LNPK: variants seen among roughly 807,000 people sequenced by gnomAD.
The protein encoded by LNPK is endoplasmic reticulum junction formation protein lunapark.
A neutral mutation model predicts 55.2 loss-of-function variants in LNPK; 29 were observed. That is an observed-to-expected ratio of 0.53 (90% confidence interval 0.39 to 0.72). LNPK has a LOEUF of 0.72. Ranked by LOEUF, LNPK falls within the 30% of genes least tolerant of loss-of-function variation. The probability of loss-of-function intolerance (pLI) is 0.00; values close to 1 mark genes in which losing one functional copy is unlikely to be tolerated. For missense variants in LNPK, 467 were observed against 494.8 expected (o/e 0.94, Z 0.53); for synonymous variants, 162 against 168.2 (o/e 0.96, Z 0.29).
chr2:175,959,966 G>A (rs1685922090), intron 8 of LNPK, among the ~76,000 whole-genome samples: 1 of 151,846 alleles, frequency 6.6e-6, no homozygotes, highest in South Asian at 2.1e-4. Context: ...AGACAAAGAA[G>A]GCCATTACAT....
chr2:175,943,893 C>T (rs1410311956), intron 9 of LNPK, among the ~76,000 whole-genome samples: 2 of 152,058 alleles, frequency 1.3e-5, no homozygotes, highest in African/African-American at 4.8e-5. Context: ...CCACTCCTAG[C>T]ACTTCTATTA....
At chr2:175,986,206 A>G (rs998491342) in intron 4 of LNPK, among the ~76,000 whole-genome samples, 2 of 152,172 alleles carry the variant, frequency 1.3e-5, no homozygotes, top group African/African-American at 4.8e-5. Context: ...TGTATAACTG[A>G]AAAAAGAGAA....
At chr2:175,930,273 TAA>T in intron 12 of LNPK, 74 bp from the exon 13 acceptor site, 1 of 751,714 alleles carries the variant, frequency 1.3e-6, no homozygotes, top group Non-Finnish European at 2.1e-6. Flanking sequence ...GCAAAAAAGA[TAA>T]ACACACACAC....
At chr2:175,994,514 T>G (rs1687843665) in intron 2 of LNPK, among the ~76,000 whole-genome samples, 1 of 152,158 alleles carries the variant, frequency 6.6e-6, no homozygotes, top group Non-Finnish European at 1.5e-5. Context: ...GAAAAGAGCA[T>G]TTATATAATT....
intron 9 of LNPK, chr2:175,940,957 C>A (rs761064628): frequency 1.3e-5 from 6 of 454,176 alleles, no homozygotes; most frequent in African/African-American, 1.2e-4. Context: ...AGAAACCATA[C>A]AAAATGACAA....
intron 6 of LNPK, among the ~76,000 whole-genome samples, chr2:175,970,398 G>A (rs1213540990): frequency 6.6e-6 from 1 of 151,838 alleles, no homozygotes; most frequent in East Asian, 1.9e-4. Flanking sequence ...CTCTTTCTTG[G>A]TGTCAAGAAA....
intron 5 of LNPK, among the ~76,000 whole-genome samples, chr2:175,979,507 G>C (rs1333948534): frequency 6.6e-6 from 1 of 151,514 alleles, no homozygotes; most frequent in Non-Finnish European, 1.5e-5. Context: ...GCAGTGAGCC[G>C]AGATCGTGCC....
chr2:175,951,605 A>ATATATCTATATC (rs1553501585), intron 8 of LNPK, among the ~76,000 whole-genome samples: 47 of 129,484 alleles, frequency 3.6e-4, no homozygotes, highest in African/African-American at 1.3e-3. Flanking sequence ...ATATATATAT[A>ATATATCTATATC]TATATCTCAG....
At chr2:175,976,740 G>C (rs1224238735) in intron 5 of LNPK, among the ~76,000 whole-genome samples, 2 of 152,200 alleles carry the variant, frequency 1.3e-5, no homozygotes, top group Admixed American at 6.5e-5. Context: ...TCTGGGTCTT[G>C]AACCTGCTAG....
intron 8 of LNPK, among the ~76,000 whole-genome samples, chr2:175,956,962 T>C (rs1685725812): frequency 6.6e-6 from 1 of 152,166 alleles, no homozygotes; most frequent in South Asian, 2.1e-4. Flanking sequence ...GACTATTCAT[T>C]TTAAGTAGCC....
intron 1 of LNPK, among the ~76,000 whole-genome samples, chr2:175,997,740 A>AGTGTGTGTGTGTGTGTGTGTGT (rs1559079701): frequency 5.7e-5 from 3 of 52,870 alleles, no homozygotes; most frequent in African/African-American, 2.0e-4. Context: ...TGTGTGTATA[A>AGTGTGTGTGTGTGTGTGTGTGT]ATATAATTTT....
chr2:175,966,348 G>A (rs2105637273), intron 6 of LNPK, among the ~76,000 whole-genome samples: 1 of 152,326 alleles, frequency 6.6e-6, no homozygotes, highest in Admixed American at 6.5e-5. Flanking sequence ...ACAGGTGTGA[G>A]CCACTGCGCC....
intron 4 of LNPK, among the ~76,000 whole-genome samples, chr2:175,984,341 G>A (rs757306504): frequency 2.6e-5 from 4 of 151,888 alleles, no homozygotes; most frequent in Admixed American, 6.6e-5. Context: ...ACCATGCCTC[G>A]CTAATTTTTG....
In LNPK at chr2:175,926,889, G is replaced by C. The variant is rs909499213; in HGVS notation, c.*3078C>G. On this transcript the variant is annotated 3_prime_UTR_variant, in exon 13 of 13. Transcript: ENST00000272748. ...TTCTGAAGGTTTGAAGCAAAGTATA[G>C]TGTTCATTCTTGAATATATGGATTG... The C allele has an allele frequency of 1.3e-5, 2 of 152,228 alleles. No homozygotes were observed. Among genetic ancestry groups the C allele is most frequent in the Non-Finnish European group, 2.9e-5 (2 of 68,052 alleles). The allele number at this position is 152,228 out of a possible 1,614,324, so 9.4% of individuals were successfully genotyped here.
At chr2:175,955,212 T>C (rs1428432039) in intron 8 of LNPK, among the ~76,000 whole-genome samples, 1 of 152,198 alleles carries the variant, frequency 6.6e-6, no homozygotes, top group Non-Finnish European at 1.5e-5. Context: ...CCCCTTGAAA[T>C]TGTACTCTGA....
Position 175,930,013 on chromosome 2 carries a change from G to A in LNPK, c.1241C>T (p.Ser414Phe). ...TCCACTTAGTTCAGGATCAGGAATAGAATCAGCTCCAGGAACTGTGGAGTT... is the reference window on the plus strand; with the variant it reads ...TCCACTTAGTTCAGGATCAGGAATAAAATCAGCTCCAGGAACTGTGGAGTT... ...ETNSTVPGAD[S>F]IPDPELSGES... is the part of the protein sequence containing the mutation. The change falls in exon 13 of 13, where the codon TCT (serine) becomes TTT (phenylalanine). Residue 414 changes from serine to phenylalanine, a missense_variant. Physicochemically the swap from Ser to Phe is radical, Grantham distance 155 (BLOSUM62 -2). Transcript: ENST00000272748. The A allele has an allele frequency of 6.2e-7, 1 of 1,614,006 alleles. No individual in the cohort carries two copies. Among genetic ancestry groups the A allele is most frequent in the Non-Finnish European group, 8.5e-7 (1 of 1,179,936 alleles).
rs200915037 is a variant in LNPK at position 175,964,524 on chromosome 2, C to T, written c.423G>A (p.Pro141=). Residue 141 remains proline (P), a synonymous_variant, in exon 7 of 13, where the codon CCG becomes CCA. Coordinates refer to ENST00000272748, the MANE Select transcript of LNPK (RefSeq NM_030650.3). Reference sequence around the variant, plus strand: ...GTCTTACCTTTGCTTTCTTTGAGTCCGGATCAAACCTTTCAAGAATTAATT... The same window carrying T: ...GTCTTACCTTTGCTTTCTTTGAGTCTGGATCAAACCTTTCAAGAATTAATT... ...TAKLILERFD[P]DSKKAKECEP... is the part of the protein sequence containing the mutation. 72 of 1,608,334 alleles carry T rather than the reference C, an allele frequency of 4.5e-5. No individual in the cohort carries two copies. The highest frequency in any genetic ancestry group is 5.5e-5 in the South Asian group (5 of 90,942).
intron 2 of LNPK, among the ~76,000 whole-genome samples, chr2:175,995,152 A>G (rs1264501790): frequency 6.6e-6 from 1 of 151,496 alleles, no homozygotes; most frequent in Non-Finnish European, 1.5e-5. Flanking sequence ...GAACTCCTGA[A>G]CTCATGATCT....
chr2:175,995,195 T>C (rs754792854), intron 2 of LNPK, among the ~76,000 whole-genome samples: 18 of 152,006 alleles, frequency 1.2e-4, no homozygotes, highest in Non-Finnish European at 2.4e-4. Flanking sequence ...GCTGGGATTA[T>C]AGATGTGAGC....
Sources: allele counts gnomAD v4.1 joint callset (sites outside exome capture counted in the v4.1 genomes callset), GRCh38; gene constraint gnomAD v4.1.1; transcripts MANE v1.5; gene names NCBI Gene and HGNC (gene_info 2026-07-23, HGNC 2026-07-21).